Variants in CADPS2 observed in about 807,000 individuals in gnomAD.
The protein encoded by CADPS2 is calcium-dependent secretion activator 2.
A neutral mutation model predicts 172.5 loss-of-function variants in CADPS2; 93 were observed. The observed-to-expected ratio is 0.54, with a 90% CI of 0.46 to 0.64. The LOEUF is 0.64. CADPS2 is among the 30% of genes least tolerant of loss of function. CADPS2 has a pLI of 0.00. For missense variants in CADPS2, 1,420 were observed against 1,565.9 expected (o/e 0.91, Z 1.57); for synonymous variants, 546 against 555.2 (o/e 0.98, Z 0.23).
At chr7:122,460,134 G>C (rs1489709799) in intron 14 of CADPS2, among the ~76,000 whole-genome samples, 2 of 151,984 alleles carry the variant, frequency 1.3e-5, no homozygotes. Context: ...TCTGCTTGCA[G>C]TATGGTGGAC....
intron 2 of CADPS2, among the ~76,000 whole-genome samples, chr7:122,710,443 T>A (rs905221196): frequency 1.3e-5 from 2 of 152,064 alleles, no homozygotes; most frequent in African/African-American, 4.8e-5. Context: ...TGAAATCCAG[T>A]TTCTGCTACA....
chr7:122,678,111 G>A (rs1340060668), intron 2 of CADPS2, among the ~76,000 whole-genome samples: 1 of 152,136 alleles, frequency 6.6e-6, no homozygotes, highest in Non-Finnish European at 1.5e-5. Context: ...TTGTGGTAAT[G>A]GACTTTGGAA....
At chr7:122,479,038 A>G (rs867060627) in intron 12 of CADPS2, among the ~76,000 whole-genome samples, 1 of 152,036 alleles carries the variant, frequency 6.6e-6, no homozygotes, top group African/African-American at 2.4e-5. Flanking sequence ...CATGGATGTA[A>G]AAGGAAAAGG....
intron 28 of CADPS2, among the ~76,000 whole-genome samples, chr7:122,330,076 A>T (rs962085970): frequency 7.2e-5 from 11 of 152,244 alleles, no homozygotes; most frequent in African/African-American, 2.7e-4. Flanking sequence ...AAGAAAAAGA[A>T]CCAACACTTT....
chr7:122,462,565 CTAAT>C (rs768970740), intron 14 of CADPS2, among the ~76,000 whole-genome samples: 38 of 151,968 alleles, frequency 2.5e-4, no homozygotes, highest in Admixed American at 5.2e-4. Flanking sequence ...ATGGACCAAA[CTAAT>C]TAAAGGACAG....
At chr7:122,557,373 T>C (rs2065160925) in intron 7 of CADPS2, among the ~76,000 whole-genome samples, 1 of 152,192 alleles carries the variant, frequency 6.6e-6, no homozygotes, top group African/African-American at 2.4e-5. Flanking sequence ...GGACACTTCC[T>C]TGGCAGGGTG....
chr7:122,693,071 T>C (rs960268379), intron 2 of CADPS2, among the ~76,000 whole-genome samples: 1 of 152,226 alleles, frequency 6.6e-6, no homozygotes, highest in South Asian at 2.1e-4. Flanking sequence ...TGAGTCACTC[T>C]GGATGTTTAC....
intron 27 of CADPS2, among the ~76,000 whole-genome samples, chr7:122,348,112 C>G (rs570663482): frequency 6.6e-6 from 1 of 152,146 alleles, no homozygotes; most frequent in African/African-American, 2.4e-5. Flanking sequence ...TTTCTCCCCA[C>G]CCCAACCCCA....
At chr7:122,706,033 A>G (rs1461847962) in intron 2 of CADPS2, among the ~76,000 whole-genome samples, 2 of 101,254 alleles carry the variant, frequency 2.0e-5, no homozygotes, top group African/African-American at 8.0e-5. Context: ...ATAAATATAT[A>G]TTATATATTC....
intron 7 of CADPS2, among the ~76,000 whole-genome samples, chr7:122,566,735 T>C (rs1030251208): frequency 2.6e-5 from 4 of 152,204 alleles, no homozygotes; most frequent in Non-Finnish European, 5.9e-5. Context: ...ATAATTGTTG[T>C]TCTAGTTTAT....
At chr7:122,437,023 T>A (rs758276388) in intron 17 of CADPS2, among the ~76,000 whole-genome samples, 33 of 152,102 alleles carry the variant, frequency 2.2e-4, no homozygotes, top group African/African-American at 7.5e-4. Context: ...ACAACTTTTA[T>A]CTTTGCCAGA....
chr7:122,764,685 A>G (rs2093493820), intron 1 of CADPS2, among the ~76,000 whole-genome samples: 1 of 152,054 alleles, frequency 6.6e-6, no homozygotes, highest in Non-Finnish European at 1.5e-5. Flanking sequence ...AGGATGTAAG[A>G]CTAGAGACCT....
intron 1 of CADPS2, among the ~76,000 whole-genome samples, chr7:122,765,961 A>C (rs1317665716): frequency 6.6e-6 from 1 of 152,114 alleles, no homozygotes; most frequent in East Asian, 1.9e-4. Flanking sequence ...CTTTAACAGA[A>C]TACCTGACAC....
rs538143239 is a variant in CADPS2 at position 122,823,458 on chromosome 7, A to G, written c.339+62541T>C. Among the ~76,000 whole-genome samples, 15 of 151,656 alleles carry G rather than the reference A, an allele frequency of 9.9e-5. No homozygotes were observed. In the South Asian group the frequency reaches 1.3e-3, roughly 13 times the overall value. Reference sequence around the variant, plus strand: ...CCCCCTGCCCCCAGACAGGTTTACTATAAGAGTATTGGCTATGAAATGCCT... The same window carrying G: ...CCCCCTGCCCCCAGACAGGTTTACTGTAAGAGTATTGGCTATGAAATGCCT... On this transcript the variant is annotated intron_variant, in intron 1 of 29. Coordinates refer to ENST00000449022, the MANE Select transcript of CADPS2 (RefSeq NM_017954.11).
chr7:122,394,488 AT>A (rs1294363943), intron 20 of CADPS2, among the ~76,000 whole-genome samples: 1 of 152,188 alleles, frequency 6.6e-6, no homozygotes, highest in Admixed American at 6.5e-5. Flanking sequence ...CCTAAGCCCC[AT>A]TGTGGCCCTC....
At chr7:122,507,025 A>G (rs909456476) in intron 9 of CADPS2, among the ~76,000 whole-genome samples, 32 of 152,164 alleles carry the variant, frequency 2.1e-4, no homozygotes, top group Non-Finnish European at 3.7e-4. Context: ...GAAAGATAAG[A>G]TCCTTCTTTT....
At chr7:122,812,535 G>A (rs1274875184) in intron 1 of CADPS2, among the ~76,000 whole-genome samples, 1 of 151,962 alleles carries the variant, frequency 6.6e-6, no homozygotes, top group East Asian at 1.9e-4. Flanking sequence ...CTGTAGGATC[G>A]AACAGAATTC....
intron 1 of CADPS2, among the ~76,000 whole-genome samples, chr7:122,820,493 G>T (rs1470661772): frequency 6.7e-6 from 1 of 148,416 alleles, no homozygotes; most frequent in African/African-American, 2.5e-5. Flanking sequence ...TTACACAAGA[G>T]CCAGGACCAC....
intron 1 of CADPS2, among the ~76,000 whole-genome samples, chr7:122,808,389 C>T (rs1330452385): frequency 3.3e-5 from 5 of 152,146 alleles, no homozygotes; most frequent in Non-Finnish European, 7.4e-5. Context: ...CATTCTCTGC[C>T]ACTTATTAAT....
Sources: gnomAD v4.1 joint callset for allele counts (sites outside exome capture counted in the v4.1 genomes callset) on GRCh38, gnomAD v4.1.1 for gene constraint, MANE v1.5 for transcripts, NCBI Gene and HGNC (gene_info 2026-07-23, HGNC 2026-07-21) for gene names.